LGR5: variants seen among roughly 807,000 people sequenced by gnomAD.
LGR5 encodes leucine-rich repeat-containing G protein-coupled receptor 5.
LGR5 carries 54 observed loss-of-function variants against 76.7 expected under a neutral mutation model. The ratio of observed to expected loss-of-function variants is 0.70; its 90% confidence interval spans 0.57 to 0.88. The LOEUF (loss-of-function observed/expected upper bound fraction) is 0.88. Ranked by LOEUF, LGR5 falls within the 40% of genes least tolerant of loss-of-function variation. The probability of loss-of-function intolerance (pLI) is 0.00; values close to 1 mark genes in which losing one functional copy is unlikely to be tolerated. For synonymous variants in LGR5, 406 were observed against 421.9 expected (o/e 0.96, Z 0.46); for missense variants, 1,078 against 1,073.3 (o/e 1.00, Z -0.06).
intron 1 of LGR5, among the ~76,000 whole-genome samples, chr12:71,471,284 G>T (rs1873091951): frequency 1.3e-5 from 2 of 152,018 alleles, no homozygotes; most frequent in South Asian, 4.2e-4. Context: ...ATACAGTGTG[G>T]TATATCTACA....
intron 1 of LGR5, among the ~76,000 whole-genome samples, chr12:71,485,958 G>C (rs1249949523): frequency 6.6e-6 from 1 of 151,864 alleles, no homozygotes; most frequent in Non-Finnish European, 1.5e-5. Flanking sequence ...GTAGAGACAG[G>C]GTTTACTATG....
In LGR5 at chr12:71,584,401, T is replaced by A. The variant is rs144404097; in HGVS notation, c.2391T>A (p.Ser797Arg). ...CTTTAATAAACCTTACATTTATCAG[T>A]CCTGAAGTAATTAAGTTTATCCTTC... ...FSSLINLTFI[S>R]PEVIKFILLV... is the part of the protein sequence containing the mutation. Residue 797 changes from serine (S) to arginine (R), a missense_variant, in exon 18 of 18, where the codon AGT becomes AGA. By Grantham distance (110) the Ser-to-Arg change is moderately radical (BLOSUM62 -1). Transcript: ENST00000266674. 6 of 1,614,182 alleles carry A rather than the reference T, an allele frequency of 3.7e-6. No individual in the cohort carries two copies. The highest frequency in any genetic ancestry group is 5.1e-6 in the Non-Finnish European group (6 of 1,179,986).
At chr12:71,486,654 G>A (rs79908335) in intron 1 of LGR5, among the ~76,000 whole-genome samples, 8,432 of 152,218 alleles carry the variant, frequency 0.055, 223 homozygotes, top group Middle Eastern at 0.085. Flanking sequence ...GTGTTGTGCT[G>A]TGTTGAGCAG....
At chr12:71,444,426 T>C (rs982367119) in intron 1 of LGR5, among the ~76,000 whole-genome samples, 1 of 152,112 alleles carries the variant, frequency 6.6e-6, no homozygotes, top group African/African-American at 2.4e-5. Context: ...AAGTAATTTT[T>C]TAAAGTAGTG....
Position 71,585,351 on chromosome 12 carries a change from T to G in LGR5, c.*617T>G, listed in dbSNP as rs912426842. 1 of 152,488 alleles carries G rather than the reference T, an allele frequency of 6.6e-6. No homozygotes were observed. Among genetic ancestry groups the G allele is most frequent in the Non-Finnish European group, 1.5e-5 (1 of 68,252 alleles). 9.4% of individuals were successfully genotyped at this position (152,488 alleles called of 1,614,324 possible). A position where few individuals can be genotyped will look rare whatever the true frequency, so the allele number is the denominator to read the frequency against. On this transcript the variant is annotated 3_prime_UTR_variant, in exon 18 of 18. Transcript: ENST00000266674. ...AGATCATTTTTAGAGATACCAGGTT[T>G]TATGTATCAGCACTAGATGGTTCCA...
rs911031176 is a variant in LGR5 at position 71,504,466 on chromosome 12, A to G, written c.213-148A>G. The G allele has an allele frequency of 2.1e-4, 151 of 732,278 alleles. 1 individual carries two copies. The East Asian group carries it at 3.7e-3, about 18-fold the overall frequency. The allele number at this position is 732,278 out of a possible 1,614,324, so 45.4% of individuals were successfully genotyped here. On this transcript the variant is annotated intron_variant, in intron 1 of 17. Transcript: ENST00000266674. ...GGGGAATGTTGGAGAAAAGGAATTAATATTTAAGATGTAGAATAGCAATTC... is the reference window on the plus strand; with the variant it reads ...GGGGAATGTTGGAGAAAAGGAATTAGTATTTAAGATGTAGAATAGCAATTC...
At chr12:71,513,285 A>C (rs1875260385) in intron 2 of LGR5, among the ~76,000 whole-genome samples, 1 of 152,196 alleles carries the variant, frequency 6.6e-6, no homozygotes, top group South Asian at 2.1e-4. Context: ...TAAGAGTAGT[A>C]AGATTGTGCT....
chr12:71,582,496 A>G lies in LGR5; in HGVS notation c.1593A>G (p.Glu531=). The G allele has an allele frequency of 6.2e-7, 1 of 1,614,134 alleles. No homozygotes were observed. The highest frequency in any genetic ancestry group is 8.5e-7 in the Non-Finnish European group (1 of 1,179,984). The change falls in exon 17 of 18, where the codon GAA becomes GAG. Residue 531 remains glutamate (E), a synonymous_variant. Transcript: ENST00000266674. ...AAGATTTCCTGCTTGACTTTGAGGAAGACCTGAAAGCCCTTCATTCAGTGC... is the reference window on the plus strand; with the variant it reads ...AAGATTTCCTGCTTGACTTTGAGGAGGACCTGAAAGCCCTTCATTCAGTGC... ...DLEDFLLDFE[E]DLKALHSVQC... is the part of the protein sequence containing the mutation.
intron 1 of LGR5, among the ~76,000 whole-genome samples, chr12:71,483,083 A>G (rs918408830): frequency 1.3e-5 from 2 of 152,176 alleles, no homozygotes; most frequent in Admixed American, 1.3e-4. Flanking sequence ...AGTTACTGTT[A>G]TAAGAAAAAA....
At chr12:71,491,303 T>C (rs949820255) in intron 1 of LGR5, among the ~76,000 whole-genome samples, 4 of 152,100 alleles carry the variant, frequency 2.6e-5, no homozygotes, top group South Asian at 2.1e-4. Context: ...AACAGAAAAA[T>C]GTTGAAGACC....
chr12:71,510,158 C>A (rs1286447477), intron 2 of LGR5, among the ~76,000 whole-genome samples: 2 of 152,094 alleles, frequency 1.3e-5, no homozygotes, highest in African/African-American at 2.4e-5. Flanking sequence ...ATCTTCATGC[C>A]CATGAATAAT....
In LGR5 at chr12:71,504,678, G is replaced by A; in HGVS notation, c.277G>A (p.Glu93Lys). 1 of 1,612,900 alleles carries A rather than the reference G, an allele frequency of 6.2e-7. No individual in the cohort carries two copies. Among genetic ancestry groups the A allele is most frequent in the Non-Finnish European group, 8.5e-7 (1 of 1,178,960 alleles). The change falls in exon 2 of 18, where the codon GAG becomes AAG. Residue 93 changes from glutamate to lysine, a missense_variant. Transcript: ENST00000266674. The part of the protein sequence containing the change: ...PNPLPSLRFL[E>K]ELRLAGNALT... ...TCCCCTGCCCAGTCTCCGCTTCCTG[G>A]AGGAGTTGTAAGTATCACTGTAGTC... is the stretch of plus-strand genomic sequence containing the variant.
intron 16 of LGR5, 57 bp from the exon 17 acceptor site, chr12:71,582,399 T>G: frequency 7.1e-7 from 1 of 1,403,936 alleles, no homozygotes; most frequent in Non-Finnish European, 1.0e-6. Flanking sequence ...CACTCTGGGA[T>G]TTGGTCCCTT....
Position 71,504,600 on chromosome 12 carries a change from G to A in LGR5, c.213-14G>A, listed in dbSNP as rs1163109714. 2 of 1,612,702 alleles carry A rather than the reference G, an allele frequency of 1.2e-6. No homozygotes were observed. The highest frequency in any genetic ancestry group is 3.3e-5 in the Admixed American group (2 of 60,008). Reference sequence around the variant, plus strand: ...ATTTGCTGCTCCTCACACGCTGTCTGTTTTCCCCCCCAGAGACCTCAGTAT... The same window carrying A: ...ATTTGCTGCTCCTCACACGCTGTCTATTTTCCCCCCCAGAGACCTCAGTAT... On this transcript the variant is annotated splice_polypyrimidine_tract_variant and intron_variant, in intron 1 of 17. Coordinates refer to ENST00000266674, the MANE Select transcript of LGR5 (RefSeq NM_003667.4).
chr12:71,584,802 CAG>C lies in LGR5; in HGVS notation c.*69_*70del. The C allele has an allele frequency of 2.0e-6, 3 of 1,469,836 alleles. No individual in the cohort carries two copies. The highest frequency in any genetic ancestry group is 2.8e-6 in the Non-Finnish European group (3 of 1,087,514). The allele number at this position is 1,469,836 out of a possible 1,614,324, so 91.0% of individuals were successfully genotyped here. A position where few individuals can be genotyped will look rare whatever the true frequency, so the allele number is the denominator to read the frequency against. ...AAATGTGAGATTGAGTATATCAGAG[CAG>C]TAATTAATAAGAAGAGCTGAGGTGA... On this transcript the variant is annotated 3_prime_UTR_variant, in exon 18 of 18. Transcript: ENST00000266674.
chr12:71,569,064 G>A (rs1021275622), intron 11 of LGR5, among the ~76,000 whole-genome samples: 1 of 152,194 alleles, frequency 6.6e-6, no homozygotes, highest in African/African-American at 2.4e-5. Context: ...ATGGGCAAAG[G>A]ATTCCCTGTT....
At position 71,583,731 on chromosome 12, in the gene LGR5, G is replaced by GT; in HGVS notation, c.1722dup (p.Asn575Ter). 1 of 1,614,126 alleles carries GT rather than the reference G, an allele frequency of 6.2e-7. No individual in the cohort carries two copies. The highest frequency in any genetic ancestry group is 8.5e-7 in the Non-Finnish European group (1 of 1,180,018). On this transcript the variant is annotated frameshift_variant, in exon 18 of 18. Coordinates refer to ENST00000266674, the MANE Select transcript of LGR5 (RefSeq NM_003667.4). LOFTEE classifies it low-confidence loss of function (END_TRUNC). ...ACCATAGCAGTTCTGGCACTTACTTGTAATGCTTTGGTGACTTCAACAGTT... is the reference window on the plus strand; with the variant it reads ...ACCATAGCAGTTCTGGCACTTACTTGTTAATGCTTTGGTGACTTCAACAGTT...
chr12:71,548,815 TACAC>T (rs71068775), intron 4 of LGR5, among the ~76,000 whole-genome samples: 9,497 of 148,572 alleles, frequency 0.064, 380 homozygotes, highest in African/African-American at 0.098. Context: ...CTAAGGTGCC[TACAC>T]ACACACACAC....
intron 14 of LGR5, 23 bp downstream of exon 14, chr12:71,578,019 A>G: frequency 6.5e-7 from 1 of 1,541,968 alleles, no homozygotes; most frequent in Non-Finnish European, 9.0e-7. Flanking sequence ...CAACTTGTTT[A>G]TGGTATGTCT....
Sources: gnomAD v4.1 joint callset for allele counts (sites outside exome capture counted in the v4.1 genomes callset) on GRCh38, gnomAD v4.1.1 for gene constraint, MANE v1.5 for transcripts, NCBI Gene and HGNC (gene_info 2026-07-23, HGNC 2026-07-21) for gene names.